PTPRN2: variants seen among roughly 807,000 people sequenced by gnomAD.
PTPRN2 encodes receptor-type tyrosine-protein phosphatase N2.
A neutral mutation model predicts 118.8 loss-of-function variants in PTPRN2; 74 were observed. That is an observed-to-expected ratio of 0.62 (90% CI 0.52 to 0.76). PTPRN2 has a LOEUF of 0.76. Ranked by LOEUF, PTPRN2 falls within the 30% of genes least tolerant of loss-of-function variation. The probability of loss-of-function intolerance (pLI) is 0.00; values close to 1 mark genes in which losing one functional copy is unlikely to be tolerated. For missense variants in PTPRN2, 1,481 were observed against 1,394.4 expected, an observed-to-expected ratio of 1.06 and a Z score of -0.99; for synonymous variants, 641 against 608.0, an observed-to-expected ratio of 1.05 and a Z score of -0.80.
At chr7:158,209,880 A>G (rs1279999484) in intron 3 of PTPRN2, among the ~76,000 whole-genome samples, 1 of 152,236 alleles carries the variant, frequency 6.6e-6, no homozygotes, top group Admixed American at 6.5e-5. Flanking sequence ...AACACTAGAA[A>G]TCAATAACAG....
chr7:158,132,032 C>G (rs1818365030), intron 9 of PTPRN2, among the ~76,000 whole-genome samples: 2 of 151,330 alleles, frequency 1.3e-5, no homozygotes, highest in South Asian at 4.2e-4. Flanking sequence ...ATGACATATA[C>G]ACTCATACAC....
At chr7:157,703,282 G>A (rs369046378) in intron 12 of PTPRN2, among the ~76,000 whole-genome samples, 11 of 152,194 alleles carry the variant, frequency 7.2e-5, no homozygotes, top group African/African-American at 2.2e-4. Flanking sequence ...GTCCCCGACC[G>A]ACTTTCGAGC....
At chr7:158,328,311 G>A (rs1803820947) in intron 2 of PTPRN2, among the ~76,000 whole-genome samples, 2 of 152,222 alleles carry the variant, frequency 1.3e-5, no homozygotes, top group East Asian at 3.9e-4. Context: ...TTGGATCCGT[G>A]GGCTGCGTCC....
chr7:157,661,911 G>T (rs1267451076), intron 13 of PTPRN2, among the ~76,000 whole-genome samples: 1 of 152,218 alleles, frequency 6.6e-6, no homozygotes, highest in Non-Finnish European at 1.5e-5. Flanking sequence ...CCACAAAGCT[G>T]CCCTGAGACA....
At chr7:158,327,536 T>C (rs769125055) in intron 2 of PTPRN2, among the ~76,000 whole-genome samples, 1 of 151,620 alleles carries the variant, frequency 6.6e-6, no homozygotes, top group East Asian at 1.9e-4. Flanking sequence ...CACATGCACA[T>C]GTACACACTA....
rs940947184 is a variant in PTPRN2 at position 157,750,761 on chromosome 7, C to T, written c.1789-67824G>A. On this transcript the variant is annotated intron_variant, in intron 12 of 22. Transcript: ENST00000389418. ...TTGAGAGAGAAATTCTTAAATGTAC[C>T]GCAGCGTTCAGCTCCTCAGTGGGTT... is the stretch of plus-strand genomic sequence containing the variant. Among the ~76,000 whole-genome samples the T allele has an allele frequency of 2.6e-5, 4 of 152,292 alleles. 1 individual carries two copies. The highest frequency in any genetic ancestry group is 3.9e-4 in the East Asian group (2 of 5,184).
At chr7:157,546,395 C>T (rs1013325502) in intron 22 of PTPRN2, among the ~76,000 whole-genome samples, 6 of 152,200 alleles carry the variant, frequency 3.9e-5, no homozygotes, top group South Asian at 4.1e-4. Context: ...AATTAAGCTC[C>T]GCATGCATTA....
chr7:158,074,994 T>C (rs928996811), intron 11 of PTPRN2, among the ~76,000 whole-genome samples: 7 of 151,990 alleles, frequency 4.6e-5, no homozygotes, highest in African/African-American at 1.7e-4. Context: ...TCCACGCTGG[T>C]AGCCCTGTCG....
intron 11 of PTPRN2, among the ~76,000 whole-genome samples, chr7:158,000,163 A>T (rs1328067890): frequency 6.6e-6 from 1 of 152,206 alleles, no homozygotes; most frequent in African/African-American, 2.4e-5. Context: ...CTGGGATTAC[A>T]GGCATGAGTC....
intron 4 of PTPRN2, among the ~76,000 whole-genome samples, chr7:158,193,636 T>C (rs1195142452): frequency 1.3e-5 from 2 of 151,976 alleles, no homozygotes; most frequent in African/African-American, 4.8e-5. Flanking sequence ...TGGGACACGA[T>C]GGGCATGGCC....
At chr7:157,949,827 T>C (rs556495088) in intron 11 of PTPRN2, among the ~76,000 whole-genome samples, 2 of 152,350 alleles carry the variant, frequency 1.3e-5, no homozygotes, top group African/African-American at 4.8e-5. Flanking sequence ...CAGGGTTCCA[T>C]TTCCAGATGT....
Position 157,813,878 on chromosome 7 carries a change from T to C in PTPRN2, c.1788+84795A>G, listed in dbSNP as rs1806212915. 6.6e-6 allele frequency among the ~76,000 whole-genome samples: 1 copy of C among 152,214 alleles called. No homozygotes were observed. Among genetic ancestry groups the C allele is most frequent in the Non-Finnish European group, 1.5e-5 (1 of 68,034 alleles). On this transcript the variant is annotated intron_variant, in intron 12 of 22. Coordinates refer to ENST00000389418, the MANE Select transcript of PTPRN2 (RefSeq NM_002847.5). The surrounding 1 kb of genome is among the most constrained non-coding windows in gnomAD (Gnocchi z 4.7). The stretch of plus-strand genomic sequence containing the variant: ...TGAGCCAGGGCTGGGCCCAAGAACG[T>C]GCATTTGCGTTGTTCCCCAGGTGAT...
At chr7:158,270,825 CACCTGGATGACCCCCT>C (rs1798340329) in intron 3 of PTPRN2, among the ~76,000 whole-genome samples, 36 of 10,588 alleles carry the variant, frequency 3.4e-3, no homozygotes, top group African/African-American at 5.2e-3. Flanking sequence ...CCGCCCCCTC[CACCTGGATGACCCCCT>C]CACCTGGACC....
At chr7:157,713,363 T>A (rs1798746397) in intron 12 of PTPRN2, among the ~76,000 whole-genome samples, 2 of 152,196 alleles carry the variant, frequency 1.3e-5, no homozygotes, top group Non-Finnish European at 2.9e-5. Flanking sequence ...TTGCACTTAA[T>A]CTATTTTCTC....
At chr7:158,347,377 C>A (rs1041317161) in intron 2 of PTPRN2, among the ~76,000 whole-genome samples, 33 of 152,134 alleles carry the variant, frequency 2.2e-4, no homozygotes, top group African/African-American at 8.0e-4. Context: ...TGTGTTCTTG[C>A]CACTTTTGCT....
In PTPRN2 at chr7:158,301,523, C is replaced by T. The variant is rs78376261; in HGVS notation, c.277+15296G>A. ...GGTTAACCTACACACCACTCCCCAG[C>T]TCTTGCTGGTTTGAGTTATGTGAAC... On this transcript the variant is annotated intron_variant, in intron 3 of 22. Transcript: ENST00000389418. Among the ~76,000 whole-genome samples the T allele has an allele frequency of 4.9e-3, 739 of 152,360 alleles. 41 individuals are homozygous for T. In the East Asian group the frequency reaches 0.12, roughly 26 times the overall value.
chr7:158,091,526 C>A (rs1814122818), intron 10 of PTPRN2, among the ~76,000 whole-genome samples: 1 of 152,028 alleles, frequency 6.6e-6, no homozygotes, highest in Non-Finnish European at 1.5e-5. Flanking sequence ...TGTGCTTTAT[C>A]TATTTGACAC....
In PTPRN2 at chr7:157,585,019, C is replaced by T. The variant is rs565277836; in HGVS notation, c.2497-6879G>A. On this transcript the variant is annotated intron_variant, in intron 17 of 22. Transcript: ENST00000389418. This position sits in a 1 kb window ranked among gnomAD's most constrained non-coding sequence, Gnocchi z 5.2. Reference sequence around the variant, plus strand: ...AAAACCTTCGTGATGCCGTCCATGACCAGCTCATGGTGCACCTACCTGGCT... The same window carrying T: ...AAAACCTTCGTGATGCCGTCCATGATCAGCTCATGGTGCACCTACCTGGCT... 2.6e-3 allele frequency among the ~76,000 whole-genome samples: 392 copies of T among 152,250 alleles called. 3 individuals are homozygous for T. Among genetic ancestry groups the T allele is most frequent in the Middle Eastern group, 3.4e-3 (1 of 294 alleles).
chr7:158,058,137 C>A (rs1328510904), intron 11 of PTPRN2, among the ~76,000 whole-genome samples: 1 of 152,120 alleles, frequency 6.6e-6, no homozygotes, highest in Non-Finnish European at 1.5e-5. Flanking sequence ...CATCTGCGCA[C>A]GGTGACGCAT....
Sources: allele counts gnomAD v4.1 joint callset (sites outside exome capture counted in the v4.1 genomes callset), GRCh38; gene constraint gnomAD v4.1.1; non-coding constraint Gnocchi (gnomAD v3.1); transcripts MANE v1.5; gene names NCBI Gene and HGNC (gene_info 2026-07-23, HGNC 2026-07-21).